Variants in PIBF1 observed in about 807,000 individuals in gnomAD.
The protein encoded by PIBF1 is progesterone-induced-blocking factor 1.
In PIBF1, 90 loss-of-function variants were observed where a neutral mutation model predicts 112.5. The ratio of observed to expected loss-of-function variants is 0.80; its 90% CI spans 0.67 to 0.95. PIBF1 has a LOEUF of 0.95. PIBF1 is among the 40% of genes least tolerant of loss of function. The pLI is 0.00. For missense variants in PIBF1, 915 were observed against 852.3 expected, an observed-to-expected ratio of 1.07 and a Z score of -0.92; for synonymous variants, 301 against 288.6, an observed-to-expected ratio of 1.04 and a Z score of -0.44.
chr13:72,832,110 A>G (rs1230246510), intron 8 of PIBF1, among the ~76,000 whole-genome samples: 1 of 38,934 alleles, frequency 2.6e-5, no homozygotes, highest in Non-Finnish European at 4.9e-5. Context: ...TTTGCTTTCC[A>G]TTTGGTTGGT....
Position 72,827,891 on chromosome 13 carries a change from G to T in PIBF1, c.1074G>T (p.Met358Ile), listed in dbSNP as rs778379397. The T allele has an allele frequency of 2.5e-6, 4 of 1,578,186 alleles. No homozygotes were observed. Among genetic ancestry groups the T allele is most frequent in the Non-Finnish European group, 3.4e-6 (4 of 1,161,882 alleles). Residue 358 changes from methionine to isoleucine, a missense_variant, in exon 8 of 18, where the codon ATG (methionine) becomes ATT (isoleucine). Physicochemically the swap from Met to Ile is conservative, Grantham distance 10. Transcript: ENST00000326291. Reference sequence around the variant, plus strand: ...AAAGCAAAAAGGCTAGAGAAGAGATGTATGAAAAATATGTAGCATCCAGGC... The same window carrying T: ...AAAGCAAAAAGGCTAGAGAAGAGATTTATGAAAAATATGTAGCATCCAGGC... ...LEESKKAREEMYEKYVASRDH... is the reference protein window; with the variant it reads ...LEESKKAREEIYEKYVASRDH...
At chr13:72,996,819 A>G (rs1426079264) in intron 16 of PIBF1, among the ~76,000 whole-genome samples, 1 of 152,182 alleles carries the variant, frequency 6.6e-6, no homozygotes, top group Non-Finnish European at 1.5e-5. Context: ...TACCATCGAT[A>G]TAAGTTGGAT....
chr13:72,967,014 T>C (rs1004749802), intron 15 of PIBF1, among the ~76,000 whole-genome samples: 2 of 151,702 alleles, frequency 1.3e-5, no homozygotes, highest in Non-Finnish European at 2.9e-5. Flanking sequence ...CTGCTCACTA[T>C]AACCTCTGCC....
At chr13:73,013,468 A>G (rs1487293923) in intron 17 of PIBF1, among the ~76,000 whole-genome samples, 4 of 151,876 alleles carry the variant, frequency 2.6e-5, no homozygotes, top group African/African-American at 9.7e-5. Flanking sequence ...ACAAAAAACG[A>G]AAAACTATAC....
chr13:72,787,590 A>G (rs1237551797), intron 2 of PIBF1, among the ~76,000 whole-genome samples: 1 of 152,222 alleles, frequency 6.6e-6, no homozygotes, highest in African/African-American at 2.4e-5. Flanking sequence ...TCTATCTGGT[A>G]GCATCCTCTC....
At chr13:72,868,900 A>T in intron 10 of PIBF1, among the ~76,000 whole-genome samples, 1 of 152,158 alleles carries the variant, frequency 6.6e-6, no homozygotes, top group Non-Finnish European at 1.5e-5. Context: ...ACTAAATATT[A>T]AGCATTCCAC....
At chr13:72,834,233 T>A (rs2037250430) in intron 8 of PIBF1, among the ~76,000 whole-genome samples, 1 of 152,204 alleles carries the variant, frequency 6.6e-6, no homozygotes, top group Non-Finnish European at 1.5e-5. Context: ...AGACTCCCTA[T>A]GTTTTGGTCC....
intron 9 of PIBF1, among the ~76,000 whole-genome samples, chr13:72,846,084 C>G (rs1381239009): frequency 6.6e-6 from 1 of 152,154 alleles, no homozygotes; most frequent in Non-Finnish European, 1.5e-5. Context: ...GGTTCCTCCT[C>G]ATCTTCTTGA....
At chr13:72,899,086 A>T (rs1346545505) in intron 11 of PIBF1, among the ~76,000 whole-genome samples, 2 of 152,140 alleles carry the variant, frequency 1.3e-5, no homozygotes, top group Non-Finnish European at 2.9e-5. Context: ...GAAGAATTAG[A>T]TACCCTAAAA....
intron 9 of PIBF1, among the ~76,000 whole-genome samples, chr13:72,840,018 G>A (rs1005699347): frequency 2.6e-5 from 4 of 152,196 alleles, no homozygotes; most frequent in African/African-American, 9.6e-5. Context: ...TGAGGCTAGA[G>A]TGGACAATTG....
In PIBF1 at chr13:73,004,343, T is replaced by C. The variant is rs528059575; in HGVS notation, c.2223+5348T>C. On this transcript the variant is annotated intron_variant, in intron 17 of 17. Transcript: ENST00000326291. ...TCATCTCTACTAAAAATACAAAAAT[T>C]AGCCAGGTGTGGTGGCAGGCACCCG... is the stretch of plus-strand genomic sequence containing the variant. Among the ~76,000 whole-genome samples the C allele has an allele frequency of 6.6e-5, 10 of 152,028 alleles. No individual in the cohort carries two copies. In the East Asian group the frequency reaches 1.7e-3, roughly 27 times the overall value.
chr13:72,921,612 A>G (rs942602553), intron 13 of PIBF1, among the ~76,000 whole-genome samples: 3 of 152,310 alleles, frequency 2.0e-5, no homozygotes, highest in Non-Finnish European at 4.4e-5. Flanking sequence ...GGTCATTTTT[A>G]ATGGTTATCC....
At chr13:72,884,910 T>C (rs889491743) in intron 10 of PIBF1, among the ~76,000 whole-genome samples, 1 of 152,118 alleles carries the variant, frequency 6.6e-6, no homozygotes, top group Non-Finnish European at 1.5e-5. Flanking sequence ...TTAGTTCTTA[T>C]TATGTGATTT....
intron 10 of PIBF1, among the ~76,000 whole-genome samples, chr13:72,874,035 A>G (rs2039289136): frequency 6.6e-6 from 1 of 152,222 alleles, no homozygotes; most frequent in Admixed American, 6.5e-5. Flanking sequence ...AAATTATACC[A>G]AAATTCATTA....
chr13:72,948,811 G>A (rs1441215309), intron 14 of PIBF1, among the ~76,000 whole-genome samples: 1 of 152,138 alleles, frequency 6.6e-6, no homozygotes. Context: ...AGAACAAAGG[G>A]GGGAAAGCCC....
intron 10 of PIBF1, among the ~76,000 whole-genome samples, chr13:72,864,182 G>C (rs528656563): frequency 8.4e-4 from 128 of 152,296 alleles, no homozygotes; most frequent in Admixed American, 2.4e-3. Flanking sequence ...TTAAGTGTGT[G>C]ACTCATAAAT....
Position 72,915,522 on chromosome 13 carries a change from T to C in PIBF1, c.1640-1554T>C, listed in dbSNP as rs182160733. Among the ~76,000 whole-genome samples the C allele has an allele frequency of 1.7e-3, 252 of 152,316 alleles. 1 individual carries two copies. The highest frequency in any genetic ancestry group is 2.9e-3 in the Non-Finnish European group (200 of 68,034). ...AGCATGTCCATTAATATCTAACTTATGGGTTTTTGAGATGTGAACTAAATT... is the reference window on the plus strand; with the variant it reads ...AGCATGTCCATTAATATCTAACTTACGGGTTTTTGAGATGTGAACTAAATT... On this transcript the variant is annotated intron_variant, in intron 12 of 17. Transcript: ENST00000326291.
intron 16 of PIBF1, among the ~76,000 whole-genome samples, chr13:72,986,040 A>C (rs976367326): frequency 3.9e-5 from 6 of 151,902 alleles, no homozygotes; most frequent in Non-Finnish European, 8.8e-5. Context: ...GCTCGTGCCT[A>C]TAGTCCCAGC....
chr13:72,787,720 A>G (rs896335971), intron 2 of PIBF1, among the ~76,000 whole-genome samples: 2 of 152,020 alleles, frequency 1.3e-5, no homozygotes, highest in African/African-American at 4.8e-5. Context: ...GTGCAGTGGC[A>G]TGATCTCAGC....
Sources: gnomAD v4.1 joint callset for allele counts (sites outside exome capture counted in the v4.1 genomes callset) on GRCh38, gnomAD v4.1.1 for gene constraint, MANE v1.5 for transcripts, NCBI Gene and HGNC (gene_info 2026-07-23, HGNC 2026-07-21) for gene names.